The following MDGA2 variants were observed in gnomAD, a reference collection of about 807,000 sequenced individuals.
MDGA2 encodes the protein MAM domain-containing glycosylphosphatidylinositol anchor protein 2.
Under a neutral mutation model 117.8 loss-of-function variants are expected in MDGA2, and 40 were observed. The observed-to-expected ratio is 0.34, with a 90% CI of 0.26 to 0.44. The LOEUF is 0.44. Among genes scored for constraint, MDGA2 ranks in the 20% least tolerant of loss-of-function variants. The pLI is 1.00. For missense variants in MDGA2, 1,123 were observed against 1,250.6 expected (o/e 0.90, Z 1.54); for synonymous variants, 452 against 439.0 (o/e 1.03, Z -0.37).
intron 6 of MDGA2, among the ~76,000 whole-genome samples, chr14:47,080,590 A>G (rs565807127): frequency 6.6e-6 from 1 of 152,286 alleles, no homozygotes; most frequent in Admixed American, 6.5e-5. Flanking sequence ...CCTCAAAACC[A>G]TACCTGAGCC....
intron 1 of MDGA2, among the ~76,000 whole-genome samples, chr14:47,492,171 TTTAA>T (rs1894183781): frequency 6.6e-6 from 1 of 152,240 alleles, no homozygotes; most frequent in African/African-American, 2.4e-5. Flanking sequence ...TGCTTACAAC[TTTAA>T]TTAATCTTTA....
At chr14:47,424,483 T>C (rs1164485255) in intron 1 of MDGA2, among the ~76,000 whole-genome samples, 1 of 152,126 alleles carries the variant, frequency 6.6e-6, no homozygotes, top group Non-Finnish European at 1.5e-5. Context: ...GCACTCTTTG[T>C]AATACTCCAC....
chr14:47,180,160 T>C (rs1321389964), intron 3 of MDGA2, among the ~76,000 whole-genome samples: 2 of 152,160 alleles, frequency 1.3e-5, no homozygotes, highest in African/African-American at 4.8e-5. Context: ...CATTAGTTAT[T>C]TTTCTTGATC....
intron 1 of MDGA2, among the ~76,000 whole-genome samples, chr14:47,537,357 A>G (rs1369373085): frequency 1.3e-5 from 2 of 150,238 alleles, no homozygotes; most frequent in African/African-American, 4.9e-5. Context: ...CCTAATGTAA[A>G]TGACGAGTTA....
chr14:47,516,419 G>C (rs535339247), intron 1 of MDGA2, among the ~76,000 whole-genome samples: 3 of 152,196 alleles, frequency 2.0e-5, no homozygotes, highest in South Asian at 2.1e-4. Flanking sequence ...TATTCTTAGC[G>C]TGTGGAGCCT....
chr14:46,966,211 G>A (rs868207481), intron 8 of MDGA2, among the ~76,000 whole-genome samples: 12 of 151,938 alleles, frequency 7.9e-5, no homozygotes, highest in African/African-American at 2.2e-4. Context: ...AAGAAAAGAC[G>A]AACAGAAAAA....
chr14:47,672,028 A>C (rs1898084438), intron 1 of MDGA2, among the ~76,000 whole-genome samples: 1 of 152,124 alleles, frequency 6.6e-6, no homozygotes, highest in Non-Finnish European at 1.5e-5. Context: ...TGGGCCCTAC[A>C]CTCTGAGTTT....
chr14:47,672,571 G>A (rs561923030), intron 1 of MDGA2, among the ~76,000 whole-genome samples: 49 of 152,102 alleles, frequency 3.2e-4, no homozygotes, highest in South Asian at 6.2e-4. Context: ...GTCTCCCCAC[G>A]TCCCCAACCT....
chr14:46,924,920 T>C (rs1311377108), intron 9 of MDGA2, among the ~76,000 whole-genome samples: 3 of 152,132 alleles, frequency 2.0e-5, no homozygotes, highest in East Asian at 1.9e-4. Flanking sequence ...TTGGTCTTTT[T>C]TACCATTGGG....
intron 2 of MDGA2, among the ~76,000 whole-genome samples, chr14:47,290,853 A>C (rs1888861955): frequency 6.6e-6 from 1 of 152,100 alleles, no homozygotes; most frequent in Non-Finnish European, 1.5e-5. Flanking sequence ...TTAGAGTAAC[A>C]GACTCCATTC....
intron 3 of MDGA2, among the ~76,000 whole-genome samples, chr14:47,165,965 G>A (rs969053056): frequency 6.6e-6 from 1 of 151,202 alleles, no homozygotes; most frequent in African/African-American, 2.4e-5. Flanking sequence ...ATTTTTTGAA[G>A]GCTCATATAC....
intron 1 of MDGA2, among the ~76,000 whole-genome samples, chr14:47,447,582 C>T (rs1847412011): frequency 6.6e-6 from 1 of 152,134 alleles, no homozygotes; most frequent in Admixed American, 6.6e-5. Context: ...CAATTCTTAA[C>T]ATTCTATGGG....
intron 2 of MDGA2, among the ~76,000 whole-genome samples, chr14:47,283,472 T>A (rs939089328): frequency 2.6e-5 from 4 of 152,226 alleles, no homozygotes; most frequent in Non-Finnish European, 5.9e-5. Context: ...CATAACCTTA[T>A]ACATATGTAT....
chr14:47,499,782 G>C (rs1894361112), intron 1 of MDGA2, among the ~76,000 whole-genome samples: 1 of 152,148 alleles, frequency 6.6e-6, no homozygotes, highest in Non-Finnish European at 1.5e-5. Flanking sequence ...GCAGTTCGTA[G>C]GCACTGCGAT....
chr14:47,566,670 C>G (rs1895925341), intron 1 of MDGA2, among the ~76,000 whole-genome samples: 1 of 152,082 alleles, frequency 6.6e-6, no homozygotes, highest in African/African-American at 2.4e-5. Flanking sequence ...TGCACCATGC[C>G]TGCTTAACAC....
At position 47,422,259 on chromosome 14, in the gene MDGA2, T is replaced by C. The variant is rs180793382; in HGVS notation, c.281-120709A>G. Among the ~76,000 whole-genome samples, 11 of 152,322 alleles carry C rather than the reference T, an allele frequency of 7.2e-5. No individual in the cohort carries two copies. In the East Asian group the frequency reaches 2.1e-3, roughly 29 times the overall value. ...TAAAAAGGAACTATGAGTGCTAATGTTGACTTCCCAATTACTTTTTTTCCT... is the reference window on the plus strand; with the variant it reads ...TAAAAAGGAACTATGAGTGCTAATGCTGACTTCCCAATTACTTTTTTTCCT... On this transcript the variant is annotated intron_variant, in intron 1 of 16. Coordinates refer to ENST00000399232, the MANE Select transcript of MDGA2 (RefSeq NM_001113498.3).
chr14:47,616,013 T>C (rs1896942849), intron 1 of MDGA2, among the ~76,000 whole-genome samples: 1 of 152,088 alleles, frequency 6.6e-6, no homozygotes, highest in South Asian at 2.1e-4. Flanking sequence ...CAAAAGTTAC[T>C]CCACGTCTCC....
intron 1 of MDGA2, among the ~76,000 whole-genome samples, chr14:47,465,999 C>A (rs757832761): frequency 2.0e-5 from 3 of 152,082 alleles, no homozygotes; most frequent in Non-Finnish European, 4.4e-5. Context: ...TAAAAAAGAA[C>A]AAGATCATGT....
chr14:47,376,106 A>G (rs2138404678), intron 1 of MDGA2, among the ~76,000 whole-genome samples: 1 of 152,286 alleles, frequency 6.6e-6, no homozygotes, highest in Non-Finnish European at 1.5e-5. Context: ...TTAAACAGAA[A>G]ACACAATTTA....
Sources: gnomAD v4.1 joint callset for allele counts (sites outside exome capture counted in the v4.1 genomes callset) on GRCh38, gnomAD v4.1.1 for gene constraint, MANE v1.5 for transcripts, NCBI Gene and HGNC (gene_info 2026-07-23, HGNC 2026-07-21) for gene names.